Variants in PPM1D observed in about 807,000 individuals in gnomAD.
PPM1D encodes protein phosphatase 1D.
A neutral mutation model predicts 58.3 loss-of-function variants in PPM1D; 52 were observed. That is an observed-to-expected ratio of 0.89 (90% CI 0.71 to 1.12). The LOEUF is 1.12. Ranked by LOEUF, PPM1D falls within the 50% of genes most tolerant of loss-of-function variation. The pLI is 0.00. For missense variants in PPM1D, 564 were observed against 777.2 expected (o/e 0.73, Z 3.26); for synonymous variants, 278 against 285.1 (o/e 0.98, Z 0.25).
intron 5 of PPM1D, among the ~76,000 whole-genome samples, chr17:60,661,739 G>A (rs1048193663): frequency 2.6e-5 from 4 of 152,144 alleles, no homozygotes; most frequent in Admixed American, 6.5e-5. Context: ...TTTGCAGGAT[G>A]GGTGCAAAGC....
chr17:60,629,503 C>G (rs940365355), intron 2 of PPM1D, among the ~76,000 whole-genome samples: 1 of 152,164 alleles, frequency 6.6e-6, no homozygotes, highest in African/African-American at 2.4e-5. Context: ...TCCTTTCAGG[C>G]TATAGTCTAT....
chr17:60,611,532 C>T (rs1397778051), intron 1 of PPM1D, among the ~76,000 whole-genome samples: 2 of 151,990 alleles, frequency 1.3e-5, no homozygotes, highest in Non-Finnish European at 2.9e-5. Flanking sequence ...AATCCTCCTG[C>T]CTCAGCCACT....
intron 2 of PPM1D, among the ~76,000 whole-genome samples, chr17:60,632,166 C>A (rs978898393): frequency 6.6e-6 from 1 of 151,836 alleles, no homozygotes; most frequent in African/African-American, 2.4e-5. Flanking sequence ...TGCACTCCAG[C>A]CTGGGTGACA....
intron 3 of PPM1D, among the ~76,000 whole-genome samples, chr17:60,639,726 C>T (rs1333367961): frequency 1.3e-5 from 2 of 152,180 alleles, no homozygotes; most frequent in Non-Finnish European, 2.9e-5. Flanking sequence ...GCGTGAGCCA[C>T]CACACCCAGC....
At chr17:60,645,488 G>GTGTGTGTA (rs1555647648) in intron 3 of PPM1D, among the ~76,000 whole-genome samples, 1 of 144,130 alleles carries the variant, frequency 6.9e-6, no homozygotes, top group Non-Finnish European at 1.5e-5. Flanking sequence ...GTGTGTGTGT[G>GTGTGTGTA]TGTGTATGTG....
intron 1 of PPM1D, among the ~76,000 whole-genome samples, chr17:60,614,355 C>T (rs2143637680): frequency 6.6e-6 from 1 of 152,242 alleles, no homozygotes; most frequent in Non-Finnish European, 1.5e-5. Flanking sequence ...TTTGTAAATG[C>T]ACCAATCAGT....
At position 60,601,685 on chromosome 17, in the gene PPM1D, A is replaced by G. The variant is rs181255473; in HGVS notation, c.472+799A>G. Among the ~76,000 whole-genome samples, 100 of 152,342 alleles carry G rather than the reference A, an allele frequency of 6.6e-4. No individual in the cohort carries two copies. The Middle Eastern group carries it at 0.02, about 31-fold the overall frequency. On this transcript the variant is annotated intron_variant, in intron 1 of 5. Coordinates refer to ENST00000305921, the MANE Select transcript of PPM1D (RefSeq NM_003620.4). Reference sequence around the variant, plus strand: ...TTATAAATTGTAACTGCCCATCAAAATAAGAAAAGGCAAGGAATTACTGTA... The same window carrying G: ...TTATAAATTGTAACTGCCCATCAAAGTAAGAAAAGGCAAGGAATTACTGTA...
At chr17:60,660,716 G>A (rs993906560) in intron 5 of PPM1D, among the ~76,000 whole-genome samples, 1 of 151,980 alleles carries the variant, frequency 6.6e-6, no homozygotes, top group African/African-American at 2.4e-5. Flanking sequence ...AACAGAGATC[G>A]CGCCACTGCA....
intron 1 of PPM1D, among the ~76,000 whole-genome samples, chr17:60,621,736 G>A (rs1208983187): frequency 3.3e-5 from 5 of 150,346 alleles, no homozygotes; most frequent in Non-Finnish European, 7.4e-5. Flanking sequence ...ACCACGCCCA[G>A]CTAATTTTTT....
chr17:60,645,486 GTGTGTGTATGTGTATATATA>G (rs2031218023), intron 3 of PPM1D, among the ~76,000 whole-genome samples: 2 of 142,154 alleles, frequency 1.4e-5, no homozygotes, highest in African/African-American at 5.5e-5. Context: ...GTGTGTGTGT[GTGTGTGTATGTGTATATATA>G]TATGTGTATA....
At chr17:60,612,206 A>G (rs770742791) in intron 1 of PPM1D, among the ~76,000 whole-genome samples, 1 of 152,192 alleles carries the variant, frequency 6.6e-6, no homozygotes, top group Non-Finnish European at 1.5e-5. Flanking sequence ...ACCATTTGCA[A>G]TTATCCCACA....
intron 3 of PPM1D, among the ~76,000 whole-genome samples, chr17:60,647,207 T>A (rs1011024368): frequency 3.9e-5 from 6 of 152,342 alleles, no homozygotes; most frequent in Non-Finnish European, 8.8e-5. Flanking sequence ...AGTATTGCTA[T>A]CTATGAATCT....
At chr17:60,659,386 T>C (rs1033225300) in intron 5 of PPM1D, among the ~76,000 whole-genome samples, 18 of 152,230 alleles carry the variant, frequency 1.2e-4, no homozygotes, top group African/African-American at 3.9e-4. Flanking sequence ...TCCATTTGAA[T>C]TCTCACATAA....
intron 3 of PPM1D, among the ~76,000 whole-genome samples, chr17:60,643,146 G>A (rs974424508): frequency 6.6e-6 from 1 of 151,988 alleles, no homozygotes; most frequent in Non-Finnish European, 1.5e-5. Flanking sequence ...TTGGGAGGCC[G>A]AGGTGGGTGG....
At chr17:60,645,671 C>T (rs1342439308) in intron 3 of PPM1D, among the ~76,000 whole-genome samples, 7 of 125,842 alleles carry the variant, frequency 5.6e-5, no homozygotes, top group African/African-American at 1.5e-4. Context: ...CACACACACA[C>T]ATATACATAT....
chr17:60,632,259 A>G (rs916919189), intron 2 of PPM1D, among the ~76,000 whole-genome samples: 2 of 152,056 alleles, frequency 1.3e-5, no homozygotes, highest in Non-Finnish European at 2.9e-5. Context: ...CCTATGACAC[A>G]TTTTAGGAGG....
At chr17:60,660,162 C>A (rs1220677393) in intron 5 of PPM1D, among the ~76,000 whole-genome samples, 1 of 151,976 alleles carries the variant, frequency 6.6e-6, no homozygotes, top group Non-Finnish European at 1.5e-5. Context: ...ATGGTGAAAT[C>A]CTGTCTTTAC....
chr17:60,602,865 A>C (rs1350862825), intron 1 of PPM1D, among the ~76,000 whole-genome samples: 1 of 151,444 alleles, frequency 6.6e-6, no homozygotes, highest in Non-Finnish European at 1.5e-5. Flanking sequence ...TTTCAATCAC[A>C]AATTCTTGGA....
At position 60,643,359 on chromosome 17, in the gene PPM1D, C is replaced by T. The variant is rs78750100; in HGVS notation, c.827-4533C>T. Among the ~76,000 whole-genome samples, 1,137 of 152,124 alleles carry T rather than the reference C, an allele frequency of 7.5e-3. 15 individuals carry two copies. The highest frequency in any genetic ancestry group is 0.025 in the African/African-American group (1,047 of 41,490). On this transcript the variant is annotated intron_variant, in intron 3 of 5. Coordinates refer to ENST00000305921, the MANE Select transcript of PPM1D (RefSeq NM_003620.4). The stretch of plus-strand genomic sequence containing the variant: ...TCGCACCAATGCACTCCATCCTGGG[C>T]AATAGAGTAAGACCCAGTCTCAAAA...
Sources: gnomAD v4.1 joint callset for allele counts (sites outside exome capture counted in the v4.1 genomes callset) on GRCh38, gnomAD v4.1.1 for gene constraint, MANE v1.5 for transcripts, NCBI Gene and HGNC (gene_info 2026-07-23, HGNC 2026-07-21) for gene names.